The following RBFOX1 variants were observed in gnomAD, a reference collection of about 807,000 sequenced individuals.
RBFOX1 encodes RNA binding protein fox-1 homolog 1.
A neutral mutation model predicts 57.7 loss-of-function variants in RBFOX1; 8 were observed. The ratio of observed to expected loss-of-function variants is 0.14; its 90% CI spans 0.08 to 0.25. The LOEUF (loss-of-function observed/expected upper bound fraction) is 0.25. RBFOX1 is among the 10% of genes least tolerant of loss of function. The pLI, the probability that RBFOX1 is intolerant of heterozygous loss-of-function variation, is 1.00. For missense variants in RBFOX1, 611 were observed against 548.5 expected, an observed-to-expected ratio of 1.11 and a Z score of -1.14; for synonymous variants, 326 against 222.4, an observed-to-expected ratio of 1.47 and a Z score of -4.15.
At chr16:7,308,709 C>A (rs777769848) in intron 4 of RBFOX1, among the ~76,000 whole-genome samples, 2 of 152,182 alleles carry the variant, frequency 1.3e-5, no homozygotes, top group Non-Finnish European at 2.9e-5. Context: ...CCCTTTCTGT[C>A]TTTAATTAGA....
chr16:7,367,767 G>A (rs1309148448), intron 4 of RBFOX1, among the ~76,000 whole-genome samples: 1 of 152,110 alleles, frequency 6.6e-6, no homozygotes, highest in East Asian at 1.9e-4. Context: ...GCTCTGCGTT[G>A]TCAGATTTTC....
At chr16:6,920,438 A>C (rs1203553744) in intron 3 of RBFOX1, among the ~76,000 whole-genome samples, 2 of 152,168 alleles carry the variant, frequency 1.3e-5, no homozygotes, top group Non-Finnish European at 2.9e-5. Context: ...TGGCTTGTTT[A>C]AGTTGATACG....
intron 5 of RBFOX1, among the ~76,000 whole-genome samples, chr16:7,578,102 A>T (rs2093474024): frequency 6.6e-6 from 1 of 152,224 alleles, no homozygotes; most frequent in South Asian, 2.1e-4. Context: ...AAGGAGGTTT[A>T]TTTCTCTTTT....
At chr16:7,512,538 C>T (rs1007468935) in intron 4 of RBFOX1, among the ~76,000 whole-genome samples, 1 of 152,188 alleles carries the variant, frequency 6.6e-6, no homozygotes, top group Non-Finnish European at 1.5e-5. Flanking sequence ...GGGGGTCCCA[C>T]CAACATCTGT....
intron 3 of RBFOX1, among the ~76,000 whole-genome samples, chr16:6,814,494 T>C (rs1250297412): frequency 6.6e-6 from 1 of 152,180 alleles, no homozygotes; most frequent in African/African-American, 2.4e-5. Flanking sequence ...GCTTAGAGTC[T>C]AGTGGGAGAC....
chr16:7,168,880 C>T (rs188622521), intron 4 of RBFOX1, among the ~76,000 whole-genome samples: 213 of 152,222 alleles, frequency 1.4e-3, no homozygotes, highest in Middle Eastern at 6.8e-3. Context: ...GAGGAGTGTG[C>T]CTCTATTTTT....
At chr16:5,977,406 C>T (rs547440193) in intron 4 of RBFOX1, among the ~76,000 whole-genome samples, 66 of 152,288 alleles carry the variant, frequency 4.3e-4, no homozygotes, top group African/African-American at 1.5e-3. Flanking sequence ...TGTGTCCCTA[C>T]GATCCCTGGT....
intron 4 of RBFOX1, among the ~76,000 whole-genome samples, chr16:7,285,075 CTTTTTTTT>C (rs58959488): frequency 9.4e-5 from 4 of 42,732 alleles, no homozygotes; most frequent in South Asian, 1.6e-3. Context: ...AGATTCCTTA[CTTTTTTTT>C]TTTTTTTTTT....
chr16:6,345,764 A>G lies in RBFOX1; in HGVS notation c.-64+28707A>G, dbSNP rs550127543. On this transcript the variant is annotated intron_variant, in intron 2 of 15. Coordinates refer to ENST00000550418, the MANE Select transcript of RBFOX1 (RefSeq NM_018723.4). The stretch of plus-strand genomic sequence containing the variant: ...TGGTCTCAGTTAATTTAGAAAGTTT[A>G]TTTTGCCAAGGTTGAGGATGTGTGC... Among the ~76,000 whole-genome samples, 6 of 152,312 alleles carry G rather than the reference A, an allele frequency of 3.9e-5. No homozygotes were observed. The South Asian group carries it at 6.2e-4, about 16-fold the overall frequency.
Position 6,859,614 on chromosome 16 carries a change from C to T in RBFOX1, c.-15-192443C>T, listed in dbSNP as rs1269951152. On this transcript the variant is annotated intron_variant, in intron 3 of 15. Transcript: ENST00000550418. ...AAATGCTTCAGAGATCTTCCTGCCG[C>T]CTCTCTGTGTCGATAACCTCCATGG... Among the ~76,000 whole-genome samples the T allele has an allele frequency of 1.3e-5, 2 of 152,012 alleles. 1 individual carries two copies. The highest frequency in any genetic ancestry group is 2.9e-5 in the Non-Finnish European group (2 of 68,012).
At chr16:5,827,135 C>T (rs558520941) in intron 3 of RBFOX1, among the ~76,000 whole-genome samples, 1 of 152,264 alleles carries the variant, frequency 6.6e-6, no homozygotes, top group Non-Finnish European at 1.5e-5. Context: ...GGCACTGTGG[C>T]TCATGCCTGT....
intron 2 of RBFOX1, among the ~76,000 whole-genome samples, chr16:6,383,327 T>C (rs1306835115): frequency 6.6e-6 from 1 of 152,226 alleles, no homozygotes; most frequent in Non-Finnish European, 1.5e-5. Context: ...AGAAAACCTA[T>C]GCAGGATGCC....
At chr16:7,496,847 A>T (rs2068833355) in intron 4 of RBFOX1, among the ~76,000 whole-genome samples, 1 of 152,138 alleles carries the variant, frequency 6.6e-6, no homozygotes, top group Non-Finnish European at 1.5e-5. Context: ...ATACAAGTTT[A>T]AAAATTAATT....
intron 1 of RBFOX1, among the ~76,000 whole-genome samples, chr16:6,186,328 G>C (rs1481530398): frequency 6.6e-6 from 1 of 152,176 alleles, no homozygotes; most frequent in Non-Finnish European, 1.5e-5. Flanking sequence ...AATTTGGAGT[G>C]AGTTTGAAGA....
intron 3 of RBFOX1, among the ~76,000 whole-genome samples, chr16:7,021,906 TTC>T (rs985555727): frequency 2.2e-4 from 33 of 150,676 alleles, no homozygotes; most frequent in African/African-American, 7.8e-4. Context: ...TTTTCTTTCT[TTC>T]TTTCTTTTCT....
chr16:5,606,302 A>G (rs1567289385), intron 3 of RBFOX1, among the ~76,000 whole-genome samples: 1 of 152,132 alleles, frequency 6.6e-6, no homozygotes. Context: ...TGCTTAGGCT[A>G]TCCTTTCTGC....
Position 7,560,414 on chromosome 16 carries a change from C to A in RBFOX1, c.271-19363C>A, listed in dbSNP as rs73486625. On this transcript the variant is annotated intron_variant, in intron 5 of 15. Transcript: ENST00000550418. The stretch of plus-strand genomic sequence containing the variant: ...CAATGAGAAACTGACAAAAGGTGGG[C>A]TTGAATTCAAGTCTCCTAAATGAAA... Among the ~76,000 whole-genome samples, 1,200 of 136,264 alleles carry A rather than the reference C, an allele frequency of 8.8e-3. 17 individuals are homozygous for A. The highest frequency in any genetic ancestry group is 0.03 in the African/African-American group (1,113 of 37,622). The allele number at this position is 136,264 out of a possible 152,430, so 89.4% of individuals were successfully genotyped here.
At chr16:7,447,116 G>C (rs566513575) in intron 4 of RBFOX1, among the ~76,000 whole-genome samples, 1 of 151,948 alleles carries the variant, frequency 6.6e-6, no homozygotes, top group African/African-American at 2.4e-5. Flanking sequence ...TCGGCCTCAA[G>C]GTAGGTCTGG....
intron 4 of RBFOX1, among the ~76,000 whole-genome samples, chr16:7,086,476 C>T (rs1252110645): frequency 1.8e-4 from 27 of 152,062 alleles, no homozygotes; most frequent in Admixed American, 1.6e-3. Flanking sequence ...TCCTCTCATT[C>T]ATGATGTGTT....
Sources: allele counts gnomAD v4.1 joint callset (sites outside exome capture counted in the v4.1 genomes callset), GRCh38; gene constraint gnomAD v4.1.1; transcripts MANE v1.5; gene names NCBI Gene and HGNC (gene_info 2026-07-23, HGNC 2026-07-21).